PIK3R5: variants seen among roughly 807,000 people sequenced by gnomAD.
PIK3R5 encodes phosphoinositide-3-kinase regulatory subunit 5, also known as phosphoinositide 3-kinase regulatory subunit 5.
PIK3R5 carries 32 observed loss-of-function variants against 94.9 expected under a neutral mutation model. The ratio of observed to expected loss-of-function variants is 0.34; its 90% CI spans 0.25 to 0.45. PIK3R5 has a LOEUF of 0.45. Ranked by LOEUF, PIK3R5 falls within the 20% of genes least tolerant of loss-of-function variation. The probability of loss-of-function intolerance (pLI) is 1.00; values close to 1 mark genes in which losing one functional copy is unlikely to be tolerated. For missense variants in PIK3R5, 853 were observed against 1,144.6 expected (o/e 0.75, Z 3.68); for synonymous variants, 443 against 479.4 (o/e 0.92, Z 0.99).
chr17:8,961,147 T>C (rs988199782), intron 1 of PIK3R5, among the ~76,000 whole-genome samples: 1 of 152,110 alleles, frequency 6.6e-6, no homozygotes, highest in African/African-American at 2.4e-5. Context: ...GCTGGGCTTC[T>C]AGGAGGAACT....
At position 8,887,580 on chromosome 17, in the gene PIK3R5, G is replaced by T. The variant is rs2089896959; in HGVS notation, c.1720C>A (p.Pro574Thr). Residue 574 changes from proline (P) to threonine (T), a missense_variant, in exon 11 of 19, where the codon CCC becomes ACC. This residue lies in a region of PIK3R5 where 319 missense variants were observed against 339.8 expected (regional missense o/e 0.94). Coordinates refer to ENST00000447110, the MANE Select transcript of PIK3R5 (RefSeq NM_001142633.3). ...GGTGAGGGCGTCTGGCTCCGAGGGGGTGGACAGGCACCAGGGCTGGTCCCA... is the reference window on the plus strand; with the variant it reads ...GGTGAGGGCGTCTGGCTCCGAGGGGTTGGACAGGCACCAGGGCTGGTCCCA... ...SHGTSPGACP[P>T]PRSQTPSPPT... 1 of 1,609,524 alleles carries T rather than the reference G, an allele frequency of 6.2e-7. No individual in the cohort carries two copies. Among genetic ancestry groups the T allele is most frequent in the Non-Finnish European group, 8.5e-7 (1 of 1,178,084 alleles).
chr17:8,909,709 G>C lies in PIK3R5; in HGVS notation c.104-535C>G, dbSNP rs927415304. On this transcript the variant is annotated intron_variant, in intron 2 of 18. Coordinates refer to ENST00000447110, the MANE Select transcript of PIK3R5 (RefSeq NM_001142633.3). The surrounding 1 kb of genome is among the most constrained non-coding windows in gnomAD (Gnocchi z 4.3). ...GTTCCTGCATATGCAAGAGACACAG[G>C]GATTGGAGATGCAGGCTGGGAAGCC... Among the ~76,000 whole-genome samples the C allele has an allele frequency of 3.9e-5, 6 of 152,330 alleles. No individual in the cohort carries two copies. Among genetic ancestry groups the C allele is most frequent in the African/African-American group, 1.2e-4 (5 of 41,578 alleles).
At position 8,909,029 on chromosome 17, in the gene PIK3R5, G is replaced by C. The variant is rs112046155; in HGVS notation, c.204+45C>G. ...TCTGGGACCTATTTCTCCACTCTACGAGGCCGACCCCAGATCTGCCCTTCA... is the reference window on the plus strand; with the variant it reads ...TCTGGGACCTATTTCTCCACTCTACCAGGCCGACCCCAGATCTGCCCTTCA... On this transcript the variant is annotated intron_variant, in intron 3 of 18. Transcript: ENST00000447110. The surrounding 1 kb of genome is among the most constrained non-coding windows in gnomAD (Gnocchi z 4.3). 2 of 1,234,530 alleles carry C rather than the reference G, an allele frequency of 1.6e-6. No individual in the cohort carries two copies. Among genetic ancestry groups the C allele is most frequent in the East Asian group, 2.5e-5 (1 of 40,294 alleles). 76.5% of individuals were successfully genotyped at this position (1,234,530 alleles called of 1,614,324 possible).
chr17:8,907,817 T>C (rs1435098698), intron 3 of PIK3R5, among the ~76,000 whole-genome samples: 1 of 152,076 alleles, frequency 6.6e-6, no homozygotes, highest in African/African-American at 2.4e-5. Flanking sequence ...TTGTATTTTT[T>C]TGTAGAGACG....
At chr17:8,963,391 C>T (rs2091599721) in intron 1 of PIK3R5, among the ~76,000 whole-genome samples, 1 of 152,184 alleles carries the variant, frequency 6.6e-6, no homozygotes, top group African/African-American at 2.4e-5. Flanking sequence ...CAGCAGGCCC[C>T]TGATGGATGG....
intron 1 of PIK3R5, among the ~76,000 whole-genome samples, chr17:8,958,308 A>C (rs1481999698): frequency 6.6e-6 from 1 of 152,098 alleles, no homozygotes; most frequent in Non-Finnish European, 1.5e-5. Flanking sequence ...TCCTAAAGAA[A>C]ATCACAGCAA....
At chr17:8,885,048 T>C (rs2151353993) in intron 14 of PIK3R5, 1 of 467,704 alleles carries the variant, frequency 2.1e-6, no homozygotes, top group South Asian at 2.2e-5. Flanking sequence ...GGGCCCCATC[T>C]CCGCTGTGAT....
In PIK3R5 at chr17:8,893,804, C is replaced by A; in HGVS notation, c.413-149G>T. On this transcript the variant is annotated intron_variant, in intron 5 of 18. Coordinates refer to ENST00000447110, the MANE Select transcript of PIK3R5 (RefSeq NM_001142633.3). The surrounding 1 kb of genome is among the most constrained non-coding windows in gnomAD (Gnocchi z 5.1). Reference sequence around the variant, plus strand: ...CTGCAGAGAAGCTGTTCTGTGGACCCTCCAGGGTGCCTAGCAGTTTGCTTC... The same window carrying A: ...CTGCAGAGAAGCTGTTCTGTGGACCATCCAGGGTGCCTAGCAGTTTGCTTC... 1 of 620,356 alleles carries A rather than the reference C, an allele frequency of 1.6e-6. No homozygotes were observed. The highest frequency in any genetic ancestry group is 2.8e-5 in the East Asian group (1 of 35,418). 38.4% of individuals were successfully genotyped at this position (620,356 alleles called of 1,614,324 possible).
chr17:8,888,862 G>C lies in PIK3R5; in HGVS notation c.925C>G (p.Gln309Glu). 6.2e-7 allele frequency: 1 copy of C among 1,603,438 alleles called. No individual in the cohort carries two copies. The highest frequency in any genetic ancestry group is 8.5e-7 in the Non-Finnish European group (1 of 1,179,004). ...AGGATCCCTGGCTGGAGTAGCTCCTGTTCCTTGAGCAGGATTTCCTGCAGG... is the reference window on the plus strand; with the variant it reads ...AGGATCCCTGGCTGGAGTAGCTCCTCTTCCTTGAGCAGGATTTCCTGCAGG... ...DILQEILLKE[Q>E]ELLQPGILGD... Residue 309 changes from glutamine (Q) to glutamate (E), a missense_variant, in exon 10 of 19, where the codon CAG (glutamine) becomes GAG (glutamate). Around this residue, in one of 6 missense-constraint regions of PIK3R5, gnomAD observed 161 missense variants for 249.5 expected, o/e 0.65. Coordinates refer to ENST00000447110, the MANE Select transcript of PIK3R5 (RefSeq NM_001142633.3). The surrounding 1 kb of genome is among the most constrained non-coding windows in gnomAD (Gnocchi z 7.8).
chr17:8,880,632 G>T lies in PIK3R5; in HGVS notation c.*7C>A. The T allele has an allele frequency of 6.2e-7, 1 of 1,600,608 alleles. No individual in the cohort carries two copies. On this transcript the variant is annotated 3_prime_UTR_variant, in exon 19 of 19. Transcript: ENST00000447110. ...GGGCTTCTGTCCAGTCTGGCGCTGG[G>T]CCCACACTAGGGCAGAGCTCCACTG...
rs773339519 is a variant in PIK3R5 at position 8,880,891 on chromosome 17, C to A, written c.2495+14G>T. On this transcript the variant is annotated intron_variant, in intron 18 of 18. Transcript: ENST00000447110. ...GCAGAAACTGCTCCCCTCCCTAGGA[C>A]CCCCCTTTCCTACCTGACTACACTC... 6 of 1,612,022 alleles carry A rather than the reference C, an allele frequency of 3.7e-6. No individual in the cohort carries two copies. The highest frequency in any genetic ancestry group is 1.7e-5 in the Admixed American group (1 of 59,996).
intron 1 of PIK3R5, among the ~76,000 whole-genome samples, chr17:8,954,469 G>A (rs1332528174): frequency 6.6e-6 from 1 of 152,196 alleles, no homozygotes; most frequent in Non-Finnish European, 1.5e-5. Flanking sequence ...GGCGGGACAG[G>A]AAGCCCCTCT....
In PIK3R5 at chr17:8,961,356, C is replaced by T. The variant is rs145715638; in HGVS notation, c.-14+4240G>A. Among the ~76,000 whole-genome samples, 186 of 152,104 alleles carry T rather than the reference C, an allele frequency of 1.2e-3. 2 individuals are homozygous for T. The highest frequency in any genetic ancestry group is 6.0e-3 in the South Asian group (29 of 4,812). ...CAGCTGAAAAGTGACTCACGCAGGC[C>T]GGGCGCGGTTGCTCACACCTGTAAT... is the stretch of plus-strand genomic sequence containing the variant. On this transcript the variant is annotated intron_variant, in intron 1 of 18. Coordinates refer to ENST00000447110, the MANE Select transcript of PIK3R5 (RefSeq NM_001142633.3).
chr17:8,931,580 G>C (rs1160373843), intron 1 of PIK3R5, among the ~76,000 whole-genome samples: 1 of 152,178 alleles, frequency 6.6e-6, no homozygotes, highest in Non-Finnish European at 1.5e-5. Context: ...GAGTTGAGGA[G>C]ACAGAAATTG....
chr17:8,907,607 T>C (rs923126828), intron 3 of PIK3R5, among the ~76,000 whole-genome samples: 21 of 151,300 alleles, frequency 1.4e-4, no homozygotes, highest in African/African-American at 4.6e-4. Flanking sequence ...TTTTCCTGCA[T>C]TGGTTTTTAT....
rs571603427 is a variant in PIK3R5 at position 8,935,947 on chromosome 17, G to T, written c.-13-24440C>A. Among the ~76,000 whole-genome samples, 4 of 151,930 alleles carry T rather than the reference G, an allele frequency of 2.6e-5. No homozygotes were observed. Among genetic ancestry groups the T allele is most frequent in the African/African-American group, 9.7e-5 (4 of 41,434 alleles). On this transcript the variant is annotated intron_variant, in intron 1 of 18. Transcript: ENST00000447110. This position sits in a 1 kb window ranked among gnomAD's most constrained non-coding sequence, Gnocchi z 4.5. Reference sequence around the variant, plus strand: ...CGGGCACCTGTAGTCCCAGCTACTCGGGAGGCTGAGGCAGGAGAATGGCGT... The same window carrying T: ...CGGGCACCTGTAGTCCCAGCTACTCTGGAGGCTGAGGCAGGAGAATGGCGT...
Position 8,893,090 on chromosome 17 carries a change from G to T in PIK3R5, c.482+496C>A, listed in dbSNP as rs1304953612. Among the ~76,000 whole-genome samples the T allele has an allele frequency of 6.7e-6, 1 of 148,206 alleles. No individual in the cohort carries two copies. Among genetic ancestry groups the T allele is most frequent in the Admixed American group, 6.7e-5 (1 of 14,924 alleles). On this transcript the variant is annotated intron_variant, in intron 6 of 18. Coordinates refer to ENST00000447110, the MANE Select transcript of PIK3R5 (RefSeq NM_001142633.3). This position sits in a 1 kb window ranked among gnomAD's most constrained non-coding sequence, Gnocchi z 5.1. ...TGTGTGTGTGTGTGTGTGTGTTTGT[G>T]TATCAGGCTGTCATATAAAATGGAT...
chr17:8,959,931 G>A (rs1264064755), intron 1 of PIK3R5, among the ~76,000 whole-genome samples: 1 of 152,206 alleles, frequency 6.6e-6, no homozygotes, highest in Non-Finnish European at 1.5e-5. Context: ...AGCTGTTGAT[G>A]GAGATGCACA....
chr17:8,953,101 A>C (rs1054410582), intron 1 of PIK3R5, among the ~76,000 whole-genome samples: 12 of 152,148 alleles, frequency 7.9e-5, no homozygotes, highest in African/African-American at 2.9e-4. Flanking sequence ...GGGAATGGGA[A>C]GTTGGACGCC....
Sources: gnomAD v4.1 joint callset for allele counts (sites outside exome capture counted in the v4.1 genomes callset) on GRCh38, gnomAD v4.1.1 for gene constraint, gnomAD v4.1.1 regional missense constraint, Gnocchi (gnomAD v3.1) non-coding constraint, MANE v1.5 for transcripts, NCBI Gene and HGNC (gene_info 2026-07-23, HGNC 2026-07-21) for gene names.